BANP: variants seen among roughly 807,000 people sequenced by gnomAD.
The protein encoded by BANP is BTG3 associated nuclear protein.
BANP carries 11 observed loss-of-function variants against 68.1 expected under a neutral mutation model. The ratio of observed to expected loss-of-function variants is 0.16; its 90% CI spans 0.10 to 0.27. The LOEUF (loss-of-function observed/expected upper bound fraction) is 0.27, where lower values mean the gene tolerates loss of function less well. Among genes scored for constraint, BANP ranks in the 10% least tolerant of loss-of-function variants. BANP has a pLI of 1.00. For synonymous variants in BANP, 329 were observed against 303.2 expected, an observed-to-expected ratio of 1.09 and a Z score of -0.88; for missense variants, 504 against 722.7, an observed-to-expected ratio of 0.70 and a Z score of 3.47.
rs1297581221 is a variant in BANP, at chr16:88,064,710, G to T, written c.1312-557G>T. 2.0e-5 allele frequency among the ~76,000 whole-genome samples: 3 copies of T among 152,218 alleles called. No individual in the cohort carries two copies. In the East Asian group the frequency reaches 5.8e-4, roughly 29 times the overall value. ...CAAGAGGCTCCTGTGGAGCTCTCAT[G>T]GCTGGCAGTGCCAGATGGGAGCCTG... On this transcript the variant is annotated intron_variant, in intron 11 of 13. Transcript: ENST00000682872. The surrounding 1 kb of genome is among the most constrained non-coding windows in gnomAD (Gnocchi z 4.5).
At chr16:88,032,104 C>T (rs2078306427) in intron 8 of BANP, among the ~76,000 whole-genome samples, 1 of 152,022 alleles carries the variant, frequency 6.6e-6, no homozygotes, top group South Asian at 2.1e-4. Flanking sequence ...CGCGCCTGGC[C>T]CGCTTCTCTT....
At chr16:88,046,258 A>G (rs1166723826) in intron 11 of BANP, among the ~76,000 whole-genome samples, 1 of 152,204 alleles carries the variant, frequency 6.6e-6, no homozygotes, top group African/African-American at 2.4e-5. Context: ...TTTTAGAGAT[A>G]CTGTTTTAAA....
intron 1 of BANP, chr16:87,952,389 G>A (rs906324787): frequency 4.6e-5 from 7 of 152,232 alleles, no homozygotes; most frequent in Non-Finnish European, 8.8e-5. Context: ...GAGGGCCCGG[G>A]TCACACAGTT....
chr16:87,961,328 A>AT (rs1362980642), intron 1 of BANP, among the ~76,000 whole-genome samples: 1 of 143,396 alleles, frequency 7.0e-6, no homozygotes, highest in African/African-American at 2.5e-5. Context: ...ATTTTATTTT[A>AT]TTTTTTCGTA....
chr16:87,953,683 G>C (rs548174402), intron 1 of BANP, among the ~76,000 whole-genome samples: 1 of 152,134 alleles, frequency 6.6e-6, no homozygotes, highest in African/African-American at 2.4e-5. Flanking sequence ...TTTTCTGTTA[G>C]TCATGGCTTT....
chr16:87,990,689 G>A (rs547675279), intron 4 of BANP, among the ~76,000 whole-genome samples: 13 of 152,280 alleles, frequency 8.5e-5, no homozygotes, highest in Middle Eastern at 3.4e-3. Context: ...GGTTGCTTTC[G>A]TTTAATTTCG....
chr16:87,952,848 C>T (rs2057244930), intron 1 of BANP: 2 of 152,170 alleles, frequency 1.3e-5, no homozygotes, highest in South Asian at 4.1e-4. Flanking sequence ...GATCTTGGCT[C>T]ACTGCAGCCT....
intron 6 of BANP, among the ~76,000 whole-genome samples, chr16:88,010,902 A>T (rs547037809): frequency 1.3e-5 from 2 of 152,232 alleles, no homozygotes. Flanking sequence ...ATTCGTGCAC[A>T]TGGAAAGGAG....
chr16:88,015,891 C>T (rs910120687), intron 6 of BANP, among the ~76,000 whole-genome samples: 5 of 152,210 alleles, frequency 3.3e-5, no homozygotes, highest in East Asian at 1.9e-4. Context: ...TGTGTGGGAT[C>T]GAGGCTGTTT....
At chr16:88,070,173 A>G (rs966818660) in intron 12 of BANP, among the ~76,000 whole-genome samples, 1 of 152,204 alleles carries the variant, frequency 6.6e-6, no homozygotes, top group Non-Finnish European at 1.5e-5. Context: ...CTCATTGACC[A>G]CTATCAGTAG....
rs370440427 is a variant in BANP, at chr16:88,027,565, G to A, written c.978G>A (p.Ala326=). ...KQSIDSKCRT[A]WRRKQRGQSL... is the part of the protein sequence containing the mutation. Reference sequence around the variant, plus strand: ...GCATCGACTCCAAGTGCCGCACGGCGTGGCGGCGCAAGCAGCGGGGCCAGA... The same window carrying A: ...GCATCGACTCCAAGTGCCGCACGGCATGGCGGCGCAAGCAGCGGGGCCAGA... Residue 326 remains alanine (A), a synonymous_variant, in exon 8 of 14, where the codon GCG becomes GCA. Coordinates refer to ENST00000682872, the MANE Select transcript of BANP (RefSeq NM_001386991.1). The A allele has an allele frequency of 1.5e-4, 243 of 1,613,746 alleles. No homozygotes were observed. Among genetic ancestry groups the A allele is most frequent in the Non-Finnish European group, 2.0e-4 (232 of 1,179,878 alleles).
intron 5 of BANP, among the ~76,000 whole-genome samples, chr16:88,005,344 G>A (rs570317313): frequency 3.9e-5 from 6 of 152,300 alleles, no homozygotes; most frequent in African/African-American, 1.2e-4. Context: ...CTCTGGGTGC[G>A]GCCAGTGTTT....
chr16:88,061,696 G>A lies in BANP; in HGVS notation c.1312-3571G>A, dbSNP rs191475715. On this transcript the variant is annotated intron_variant, in intron 11 of 13. Transcript: ENST00000682872. Reference sequence around the variant, plus strand: ...TTTTTTTTTTTGAGACGGAGTTTTTGCTTTTGTTGCCCAGGCTGGAGTGCA... The same window carrying A: ...TTTTTTTTTTTGAGACGGAGTTTTTACTTTTGTTGCCCAGGCTGGAGTGCA... 7.9e-4 allele frequency among the ~76,000 whole-genome samples: 117 copies of A among 147,676 alleles called. 1 individual carries two copies. Among genetic ancestry groups the A allele is most frequent in the African/African-American group, 2.6e-3 (105 of 40,456 alleles).
intron 11 of BANP, among the ~76,000 whole-genome samples, chr16:88,062,139 C>T (rs1221653877): frequency 1.3e-5 from 2 of 152,156 alleles, no homozygotes; most frequent in South Asian, 2.1e-4. Context: ...GTTTCATCCT[C>T]GTTTCTGTCC....
At chr16:87,968,502 G>A (rs1454359752) in intron 1 of BANP, among the ~76,000 whole-genome samples, 5 of 98,566 alleles carry the variant, frequency 5.1e-5, no homozygotes, top group African/African-American at 1.2e-4. Flanking sequence ...AAAAAAATAA[G>A]TTTAGTTTAT....
chr16:88,046,440 C>G (rs754799535), intron 11 of BANP, among the ~76,000 whole-genome samples: 20 of 152,224 alleles, frequency 1.3e-4, no homozygotes, highest in Non-Finnish European at 2.4e-4. Flanking sequence ...AAATACTCAG[C>G]ATAACGTGGA....
chr16:88,040,296 C>T (rs966293651), intron 11 of BANP, among the ~76,000 whole-genome samples: 7 of 150,362 alleles, frequency 4.7e-5, no homozygotes, highest in African/African-American at 1.7e-4. Context: ...GTTCTCATTC[C>T]TGCTGAGCTA....
At chr16:88,014,670 C>T (rs372900954) in intron 6 of BANP, among the ~76,000 whole-genome samples, 34 of 151,868 alleles carry the variant, frequency 2.2e-4, no homozygotes, top group Middle Eastern at 3.2e-3. Flanking sequence ...CCCCTGCCCA[C>T]CGTCCCCACA....
In BANP at chr16:88,004,549, C is replaced by T. The variant is rs944549080; in HGVS notation, c.479+138C>T. On this transcript the variant is annotated intron_variant, in intron 5 of 13. Transcript: ENST00000682872. This position sits in a 1 kb window ranked among gnomAD's most constrained non-coding sequence, Gnocchi z 7.0. ...TCACAGGGTTGAGCCTGGCAGGCAC[C>T]GCCCCAGCTCTCTGAGGTCGGGGAG... 10 of 589,820 alleles carry T rather than the reference C, an allele frequency of 1.7e-5. No individual in the cohort carries two copies. Among genetic ancestry groups the T allele is most frequent in the African/African-American group, 1.5e-4 (8 of 52,112 alleles). The allele number at this position is 589,820 out of a possible 1,614,324, so 36.5% of individuals were successfully genotyped here. A position where few individuals can be genotyped will look rare whatever the true frequency, so the allele number is the denominator to read the frequency against.
Sources: gnomAD v4.1 joint callset for allele counts (sites outside exome capture counted in the v4.1 genomes callset) on GRCh38, gnomAD v4.1.1 for gene constraint, Gnocchi (gnomAD v3.1) non-coding constraint, MANE v1.5 for transcripts, NCBI Gene and HGNC (gene_info 2026-07-23, HGNC 2026-07-21) for gene names.